SYT17: variants seen among roughly 807,000 people sequenced by gnomAD.
SYT17 encodes synaptotagmin 17.
In SYT17, 22 loss-of-function variants were observed where a neutral mutation model predicts 46.7. The ratio of observed to expected loss-of-function variants is 0.47; its 90% CI spans 0.34 to 0.67. The LOEUF is 0.67. SYT17 is among the 30% of genes least tolerant of loss of function. The probability of loss-of-function intolerance (pLI) is 0.01; values close to 1 mark genes in which losing one functional copy is unlikely to be tolerated. For synonymous variants in SYT17, 251 were observed against 248.4 expected (o/e 1.01, Z -0.10); for missense variants, 519 against 612.8 (o/e 0.85, Z 1.62).
chr16:19,234,168 A>G lies in SYT17; in HGVS notation c.1228+9330A>G, dbSNP rs368735187. Among the ~76,000 whole-genome samples the G allele has an allele frequency of 2.1e-4, 32 of 152,178 alleles. No homozygotes were observed. In the East Asian group the frequency reaches 6.2e-3, roughly 29 times the overall value. ...TAGCGAGACCTTACCTCCACAAAAA[A>G]TTAAAAAATTACCCAGGCATGGTGG... On this transcript the variant is annotated intron_variant, in intron 7 of 7. Coordinates refer to ENST00000355377, the MANE Select transcript of SYT17 (RefSeq NM_016524.4).
intron 7 of SYT17, among the ~76,000 whole-genome samples, chr16:19,227,046 AG>A (rs1966520975): frequency 6.6e-6 from 1 of 152,146 alleles, no homozygotes; most frequent in Admixed American, 6.5e-5. Flanking sequence ...ACCCTGGGCA[AG>A]ATCTGCGTGC....
intron 5 of SYT17, among the ~76,000 whole-genome samples, chr16:19,199,081 CATTG>C (rs1965363360): frequency 1.3e-5 from 2 of 152,176 alleles, no homozygotes; most frequent in Admixed American, 6.5e-5. Flanking sequence ...GGGCTGTCAA[CATTG>C]ATTGACCACA....
intron 5 of SYT17, among the ~76,000 whole-genome samples, chr16:19,185,554 ACTCACTCCAG>A (rs1028942024): frequency 1.3e-5 from 2 of 151,770 alleles, no homozygotes; most frequent in African/African-American, 2.4e-5. Context: ...GAGCCACTGC[ACTCACTCCAG>A]CTCACTCCAG....
chr16:19,246,369 A>ATTG (rs1967565123), intron 7 of SYT17, among the ~76,000 whole-genome samples: 1 of 150,900 alleles, frequency 6.6e-6, no homozygotes, highest in Non-Finnish European at 1.5e-5. Flanking sequence ...ATATTAATAA[A>ATTG]TTGATATCCA....
At chr16:19,256,481 C>CACACAT (rs1968576672) in intron 7 of SYT17, among the ~76,000 whole-genome samples, 2 of 148,306 alleles carry the variant, frequency 1.3e-5, no homozygotes, top group South Asian at 4.3e-4. Flanking sequence ...CACACACACA[C>CACACAT]GTACCATACA....
At chr16:19,234,383 C>T (rs1041731593) in intron 7 of SYT17, among the ~76,000 whole-genome samples, 18 of 152,168 alleles carry the variant, frequency 1.2e-4, no homozygotes, top group African/African-American at 3.1e-4. Context: ...GTATGGGCAT[C>T]GGGCAAACTA....
At chr16:19,205,423 A>G (rs1965628662) in intron 5 of SYT17, among the ~76,000 whole-genome samples, 1 of 147,676 alleles carries the variant, frequency 6.8e-6, no homozygotes, top group Non-Finnish European at 1.5e-5. Flanking sequence ...ACCATCTCAG[A>G]GAGGCCTTCC....
At chr16:19,251,138 A>T (rs1968032129) in intron 7 of SYT17, among the ~76,000 whole-genome samples, 1 of 151,076 alleles carries the variant, frequency 6.6e-6, no homozygotes, top group Admixed American at 6.6e-5. Flanking sequence ...GAATTTGCCC[A>T]TCAAAACAGG....
At chr16:19,253,304 C>G (rs972540977) in intron 7 of SYT17, among the ~76,000 whole-genome samples, 1 of 152,066 alleles carries the variant, frequency 6.6e-6, no homozygotes, top group Non-Finnish European at 1.5e-5. Flanking sequence ...GCTTGTAATC[C>G]CAAGACTTTG....
At chr16:19,200,176 A>G (rs1965405362) in intron 5 of SYT17, among the ~76,000 whole-genome samples, 1 of 152,190 alleles carries the variant, frequency 6.6e-6, no homozygotes, top group Non-Finnish European at 1.5e-5. Context: ...GAATCTCTAG[A>G]CTAGGTCCCC....
At chr16:19,237,859 G>A (rs962966385) in intron 7 of SYT17, among the ~76,000 whole-genome samples, 5 of 152,298 alleles carry the variant, frequency 3.3e-5, no homozygotes, top group Admixed American at 6.5e-5. Flanking sequence ...CTGTTCTCCC[G>A]TGTCACCCCA....
intron 7 of SYT17, chr16:19,249,997 A>T: frequency 6.5e-7 from 1 of 1,535,938 alleles, no homozygotes; most frequent in Non-Finnish European, 8.7e-7. Flanking sequence ...TCATGGTATC[A>T]GTCCTTGGAT....
At chr16:19,225,648 T>C (rs1268841145) in intron 7 of SYT17, among the ~76,000 whole-genome samples, 1 of 152,170 alleles carries the variant, frequency 6.6e-6, no homozygotes, top group Non-Finnish European at 1.5e-5. Flanking sequence ...GGGGAGGATC[T>C]CTTTTCAAGC....
intron 5 of SYT17, among the ~76,000 whole-genome samples, chr16:19,203,688 C>G (rs1050022674): frequency 6.6e-6 from 1 of 152,246 alleles, no homozygotes; most frequent in Non-Finnish European, 1.5e-5. Flanking sequence ...TGCAGGGACT[C>G]TGTCATGGCT....
At chr16:19,222,928 T>C in intron 5 of SYT17, 117 bp from the exon 6 acceptor site, 1 of 1,372,674 alleles carries the variant, frequency 7.3e-7, no homozygotes, top group Non-Finnish European at 9.9e-7. Context: ...GCTCCCACTG[T>C]CAACTGATGC....
At chr16:19,206,624 G>A (rs1163811485) in intron 5 of SYT17, among the ~76,000 whole-genome samples, 1 of 152,050 alleles carries the variant, frequency 6.6e-6, no homozygotes, top group East Asian at 1.9e-4. Context: ...ACCTCTACAG[G>A]AGAAACCACC....
intron 7 of SYT17, among the ~76,000 whole-genome samples, chr16:19,246,717 C>T (rs551905579): frequency 6.6e-6 from 1 of 152,294 alleles, no homozygotes; most frequent in East Asian, 1.9e-4. Context: ...TGCTTTACTG[C>T]CACTTGCTCT....
intron 1 of SYT17, among the ~76,000 whole-genome samples, chr16:19,169,083 C>T (rs1005696656): frequency 2.0e-5 from 3 of 151,994 alleles, no homozygotes; most frequent in Non-Finnish European, 4.4e-5. Flanking sequence ...GCGGAGCGAG[C>T]CTGAGGCAGC....
intron 7 of SYT17, among the ~76,000 whole-genome samples, chr16:19,256,026 C>T (rs550954188): frequency 1.2e-4 from 19 of 152,208 alleles, no homozygotes; most frequent in Admixed American, 7.9e-4. Context: ...GTCCCCAGGA[C>T]GATGCATCAT....
Sources: gnomAD v4.1 joint callset for allele counts (sites outside exome capture counted in the v4.1 genomes callset) on GRCh38, gnomAD v4.1.1 for gene constraint, MANE v1.5 for transcripts, NCBI Gene and HGNC (gene_info 2026-07-23, HGNC 2026-07-21) for gene names.